The following SGCZ variants were observed in gnomAD, a reference collection of about 807,000 sequenced individuals.
The protein encoded by SGCZ is sarcoglycan zeta, also known as zeta-sarcoglycan.
In SGCZ, 40 loss-of-function variants were observed where a neutral mutation model predicts 41.3. The ratio of observed to expected loss-of-function variants is 0.97; its 90% CI spans 0.75 to 1.26. SGCZ has a LOEUF of 1.26. Among genes scored for constraint, SGCZ ranks in the 50% most tolerant of loss-of-function variants. The pLI is 0.00. For synonymous variants in SGCZ, 206 were observed against 137.5 expected (o/e 1.50, Z -3.49); for missense variants, 552 against 369.8 (o/e 1.49, Z -4.04).
chr8:14,901,580 G>C (rs1357674099), intron 1 of SGCZ, among the ~76,000 whole-genome samples: 1 of 152,006 alleles, frequency 6.6e-6, no homozygotes, highest in African/African-American at 2.4e-5. Flanking sequence ...AGGACTGTTA[G>C]GTTCTTCACA....
At chr8:14,288,748 G>T (rs903797821) in intron 3 of SGCZ, among the ~76,000 whole-genome samples, 2 of 152,048 alleles carry the variant, frequency 1.3e-5, no homozygotes, top group Non-Finnish European at 2.9e-5. Context: ...GACCATTTGT[G>T]TACAAGTTTT....
intron 1 of SGCZ, among the ~76,000 whole-genome samples, chr8:14,932,853 A>G (rs1162731780): frequency 6.6e-6 from 1 of 152,092 alleles, no homozygotes; most frequent in Non-Finnish European, 1.5e-5. Context: ...TCAAAGTCCA[A>G]AAGTGTGATG....
At chr8:14,245,596 G>C (rs1362751594) in intron 3 of SGCZ, among the ~76,000 whole-genome samples, 1 of 152,050 alleles carries the variant, frequency 6.6e-6, no homozygotes, top group Non-Finnish European at 1.5e-5. Context: ...TTGACAAATG[G>C]GATCTAATTA....
chr8:14,187,881 G>A (rs1371640754), intron 4 of SGCZ, among the ~76,000 whole-genome samples: 4 of 152,056 alleles, frequency 2.6e-5, no homozygotes, highest in Non-Finnish European at 5.9e-5. Context: ...ACCCACACAT[G>A]GATGCATCAT....
intron 2 of SGCZ, among the ~76,000 whole-genome samples, chr8:14,551,498 T>TATATAATATATATAA: frequency 1.0e-4 from 1 of 10,006 alleles, no homozygotes; most frequent in South Asian, 2.9e-3. Context: ...ATTATATATA[T>TATATAATATATATAA]TATATATATT....
chr8:14,661,991 G>T (rs1807765863), intron 1 of SGCZ, among the ~76,000 whole-genome samples: 1 of 152,024 alleles, frequency 6.6e-6, no homozygotes, highest in African/African-American at 2.4e-5. Context: ...GAAATCACTA[G>T]ACTTATATTA....
rs112663668 is a variant in SGCZ, at chr8:14,410,400, GA to G, written c.235-86197del. Among the ~76,000 whole-genome samples the G allele has an allele frequency of 3.2e-4, 46 of 145,780 alleles. No individual in the cohort carries two copies. The South Asian group carries it at 4.8e-3, about 15-fold the overall frequency. ...TAACTTACTTTGTTCAATAATTTAA[GA>G]AAAAAAAAAACAGAAAAGGCTGATT... On this transcript the variant is annotated intron_variant, in intron 2 of 7. Coordinates refer to ENST00000382080, the MANE Select transcript of SGCZ (RefSeq NM_139167.4).
chr8:14,711,643 G>GA (rs1359403200), intron 1 of SGCZ, among the ~76,000 whole-genome samples: 1 of 146,744 alleles, frequency 6.8e-6, no homozygotes, highest in Non-Finnish European at 1.5e-5. Flanking sequence ...CCCTTGTACG[G>GA]AAAAAAATGC....
intron 2 of SGCZ, among the ~76,000 whole-genome samples, chr8:14,475,909 C>T (rs1801344100): frequency 6.6e-6 from 1 of 151,840 alleles, no homozygotes; most frequent in Admixed American, 6.6e-5. Flanking sequence ...CATCACAGCT[C>T]ACTGTCACCT....
At chr8:14,947,564 G>A (rs1205114727) in intron 1 of SGCZ, among the ~76,000 whole-genome samples, 1 of 152,132 alleles carries the variant, frequency 6.6e-6, no homozygotes, top group Non-Finnish European at 1.5e-5. Context: ...CTTTATAACT[G>A]CACTGAATAT....
At chr8:14,358,166 A>G (rs1042776588) in intron 2 of SGCZ, among the ~76,000 whole-genome samples, 1 of 152,196 alleles carries the variant, frequency 6.6e-6, no homozygotes, top group Non-Finnish European at 1.5e-5. Context: ...TGGTTACATG[A>G]CAGTGCCTGC....
chr8:14,093,035 G>A (rs1050890044), intron 7 of SGCZ, among the ~76,000 whole-genome samples: 31 of 151,832 alleles, frequency 2.0e-4, no homozygotes, highest in Non-Finnish European at 5.9e-5. Context: ...CATGCATGGA[G>A]AAAGTTTCAG....
intron 4 of SGCZ, among the ~76,000 whole-genome samples, chr8:14,193,339 T>TC (rs1274940003): frequency 6.6e-6 from 1 of 151,346 alleles, no homozygotes; most frequent in Non-Finnish European, 1.5e-5. Flanking sequence ...GCATGCTATT[T>TC]TTTTTACAAT....
chr8:14,088,530 G>C lies in SGCZ; in HGVS notation c.*1913C>G, dbSNP rs1801594971. On this transcript the variant is annotated 3_prime_UTR_variant, in exon 8 of 8. Coordinates refer to ENST00000382080, the MANE Select transcript of SGCZ (RefSeq NM_139167.4). Reference sequence around the variant, plus strand: ...CTTTATTTTGCAAAGACCAATGTGAGATTTCTTATATTAAATTCTCTTATT... The same window carrying C: ...CTTTATTTTGCAAAGACCAATGTGACATTTCTTATATTAAATTCTCTTATT... Among the ~76,000 whole-genome samples the C allele has an allele frequency of 6.6e-6, 1 of 151,656 alleles. No homozygotes were observed. The highest frequency in any genetic ancestry group is 6.6e-5 in the Admixed American group (1 of 15,178).
chr8:15,220,603 G>A (rs1270313800), intron 1 of SGCZ, among the ~76,000 whole-genome samples: 1 of 152,140 alleles, frequency 6.6e-6, no homozygotes, highest in African/African-American at 2.4e-5. Flanking sequence ...AAGACAGTGT[G>A]TCGATTCCTC....
chr8:15,154,266 G>A (rs1275586258), intron 1 of SGCZ, among the ~76,000 whole-genome samples: 1 of 152,180 alleles, frequency 6.6e-6, no homozygotes, highest in Non-Finnish European at 1.5e-5. Flanking sequence ...AAAACAACAA[G>A]GATATATTTC....
chr8:14,567,864 C>T (rs1804423648), intron 1 of SGCZ, among the ~76,000 whole-genome samples: 1 of 152,166 alleles, frequency 6.6e-6, no homozygotes, highest in Non-Finnish European at 1.5e-5. Flanking sequence ...ACTCCTGAGC[C>T]AGAGAGACCA....
chr8:14,602,049 G>A (rs1359368339), intron 1 of SGCZ, among the ~76,000 whole-genome samples: 5 of 152,100 alleles, frequency 3.3e-5, no homozygotes, highest in South Asian at 4.1e-4. Flanking sequence ...GAACCCGGGA[G>A]GCGGAGCTTG....
chr8:14,615,166 T>C (rs978818684), intron 1 of SGCZ, among the ~76,000 whole-genome samples: 1 of 152,206 alleles, frequency 6.6e-6, no homozygotes, highest in Non-Finnish European at 1.5e-5. Flanking sequence ...TCCCATAAAC[T>C]GTTACATTAA....
Sources: gnomAD v4.1 joint callset for allele counts (sites outside exome capture counted in the v4.1 genomes callset) on GRCh38, gnomAD v4.1.1 for gene constraint, MANE v1.5 for transcripts, NCBI Gene and HGNC (gene_info 2026-07-23, HGNC 2026-07-21) for gene names.